The following PLD5 variants were observed in gnomAD, a reference collection of about 807,000 sequenced individuals.
The protein encoded by PLD5 is inactive phospholipase D5.
A neutral mutation model predicts 61.1 loss-of-function variants in PLD5; 36 were observed. That is an observed-to-expected ratio of 0.59 (90% CI 0.45 to 0.78). The LOEUF (loss-of-function observed/expected upper bound fraction) is 0.78. Ranked by LOEUF, PLD5 falls within the 30% of genes least tolerant of loss-of-function variation. The pLI, the probability that PLD5 is intolerant of heterozygous loss-of-function variation, is 0.00. For synonymous variants in PLD5, 243 were observed against 242.8 expected (o/e 1.00, Z -0.01); for missense variants, 515 against 644.4 (o/e 0.80, Z 2.17).
rs1004776883 is a variant in PLD5 at position 242,318,633 on chromosome 1, AACT to A, written c.326+29470_326+29472del. Among the ~76,000 whole-genome samples the A allele has an allele frequency of 4.1e-5, 6 of 147,556 alleles. No homozygotes were observed. The East Asian group carries it at 1.3e-3, about 33-fold the overall frequency. On this transcript the variant is annotated intron_variant, in intron 2 of 9. Transcript: ENST00000536534. ...TGCTGGTCAAGAAAAAGGATTTTAT[AACT>A]TTTTGGGGCTTTTGATTTTTTAATT...
intron 3 of PLD5, among the ~76,000 whole-genome samples, chr1:242,285,193 TC>T (rs1674949924): frequency 6.6e-6 from 1 of 152,230 alleles, no homozygotes; most frequent in Non-Finnish European, 1.5e-5. Context: ...AGTGTTATCA[TC>T]TTTCTACATC....
At chr1:242,410,200 T>A (rs576557281) in intron 1 of PLD5, among the ~76,000 whole-genome samples, 1 of 152,250 alleles carries the variant, frequency 6.6e-6, no homozygotes, top group Admixed American at 6.5e-5. Context: ...CTGCGGTCAA[T>A]TTAAGGATCC....
chr1:242,383,694 C>G (rs988225875), intron 1 of PLD5, among the ~76,000 whole-genome samples: 5 of 152,104 alleles, frequency 3.3e-5, no homozygotes, highest in Non-Finnish European at 7.4e-5. Context: ...AGGGCAAAAT[C>G]TCACCAAGAC....
In PLD5 at chr1:242,112,671, T is replaced by C. The variant is rs567524490; in HGVS notation, c.1070+1219A>G. On this transcript the variant is annotated intron_variant, in intron 7 of 9. Coordinates refer to ENST00000536534, the MANE Select transcript of PLD5 (RefSeq NM_001372062.1). ...TAAAGAAGCTACCTACTATGCATTA[T>C]GTAGGGTTGGTGATGTAAGAATTAT... Among the ~76,000 whole-genome samples, 8 of 152,190 alleles carry C rather than the reference T, an allele frequency of 5.3e-5. 1 individual carries two copies. The South Asian group carries it at 1.4e-3, about 28-fold the overall frequency.
chr1:242,163,525 A>G (rs1165120891), intron 5 of PLD5, among the ~76,000 whole-genome samples: 2 of 152,198 alleles, frequency 1.3e-5, no homozygotes, highest in South Asian at 2.1e-4. Flanking sequence ...TTCAAAGAAC[A>G]AGAGAGGGAC....
intron 2 of PLD5, among the ~76,000 whole-genome samples, chr1:242,330,835 T>C (rs1420572413): frequency 6.6e-6 from 1 of 152,132 alleles, no homozygotes; most frequent in African/African-American, 2.4e-5. Context: ...GAAAAAGGGA[T>C]TTTGGAGGTC....
chr1:242,225,528 CTT>C (rs1292924746), intron 4 of PLD5, among the ~76,000 whole-genome samples: 2 of 151,184 alleles, frequency 1.3e-5, no homozygotes, highest in African/African-American at 2.4e-5. Context: ...AGTGGTTTCT[CTT>C]TGCTGTTGAG....
At chr1:242,184,822 C>T (rs890583420) in intron 5 of PLD5, among the ~76,000 whole-genome samples, 1 of 152,148 alleles carries the variant, frequency 6.6e-6, no homozygotes, top group African/African-American at 2.4e-5. Context: ...GAGCAGTAAG[C>T]AGTTGAAGTA....
chr1:242,176,969 T>A (rs1667188522), intron 5 of PLD5, among the ~76,000 whole-genome samples: 1 of 152,214 alleles, frequency 6.6e-6, no homozygotes, highest in Non-Finnish European at 1.5e-5. Flanking sequence ...GCTTGCACAC[T>A]GTTGGTGGGA....
At chr1:242,342,273 G>A (rs1186200607) in intron 2 of PLD5, among the ~76,000 whole-genome samples, 3 of 152,144 alleles carry the variant, frequency 2.0e-5, no homozygotes, top group African/African-American at 2.4e-5. Context: ...AATGACTGAC[G>A]TAGGATAGCT....
At chr1:242,193,225 G>T (rs1382384051) in intron 5 of PLD5, among the ~76,000 whole-genome samples, 1 of 151,928 alleles carries the variant, frequency 6.6e-6, no homozygotes, top group Non-Finnish European at 1.5e-5. Flanking sequence ...GCTCTCCAAT[G>T]TCTGGCATGC....
rs146766986 is a variant in PLD5 at position 242,212,057 on chromosome 1, T to C, written c.735+7931A>G. ...GGTCCCAGTATCATCTTTAATGCTA[T>C]GGGCCTTAGTTAGGGCAGCCCTGGC... is the stretch of plus-strand genomic sequence containing the variant. On this transcript the variant is annotated intron_variant, in intron 5 of 9. Coordinates refer to ENST00000536534, the MANE Select transcript of PLD5 (RefSeq NM_001372062.1). 8.7e-4 allele frequency among the ~76,000 whole-genome samples: 133 copies of C among 152,316 alleles called. 3 individuals are homozygous for C. Among genetic ancestry groups the C allele is most frequent in the African/African-American group, 3.1e-3 (130 of 41,560 alleles).
chr1:242,503,055 G>C (rs1026365393), intron 1 of PLD5, among the ~76,000 whole-genome samples: 1 of 151,982 alleles, frequency 6.6e-6, no homozygotes, highest in African/African-American at 2.4e-5. Flanking sequence ...GCAAGACTCC[G>C]TCTCAAAAAC....
chr1:242,417,109 C>T (rs910051570), intron 1 of PLD5, among the ~76,000 whole-genome samples: 4 of 152,006 alleles, frequency 2.6e-5, no homozygotes, highest in African/African-American at 4.8e-5. Flanking sequence ...AAGAGGTAGC[C>T]CATGTGTAAA....
chr1:242,090,035 C>G lies in PLD5; in HGVS notation c.1430G>C (p.Arg477Thr), dbSNP rs1394210709. The G allele has an allele frequency of 6.2e-7, 1 of 1,614,078 alleles. No homozygotes were observed. Among genetic ancestry groups the G allele is most frequent in the Non-Finnish European group, 8.5e-7 (1 of 1,180,044 alleles). Residue 477 changes from arginine to threonine, a missense_variant, in exon 10 of 10, where the codon AGG becomes ACG. Physicochemically the swap from Arg to Thr is moderately conservative, Grantham distance 71. This residue lies in a region of PLD5 where 450 missense variants were observed against 598.1 expected (regional missense o/e 0.75). Coordinates refer to ENST00000536534, the MANE Select transcript of PLD5 (RefSeq NM_001372062.1). ...TTGCTTAATGATGCTTCTGTTGTTC[C>G]TCACATCTGCCTGGTTGATAACAAG... ...TGLVINQADV[R>T]NNRSIIKQLK...
intron 2 of PLD5, among the ~76,000 whole-genome samples, chr1:242,323,707 C>A (rs189204729): frequency 6.6e-6 from 1 of 152,150 alleles, no homozygotes; most frequent in Non-Finnish European, 1.5e-5. Context: ...TCTTACTCAG[C>A]AGGAAAGCAC....
intron 1 of PLD5, among the ~76,000 whole-genome samples, chr1:242,509,791 C>A (rs1474066392): frequency 6.6e-6 from 1 of 152,110 alleles, no homozygotes; most frequent in Non-Finnish European, 1.5e-5. Context: ...CTTGGTGTGA[C>A]CAGGAAGTCA....
chr1:242,151,534 G>T (rs146296885), intron 5 of PLD5, among the ~76,000 whole-genome samples: 22 of 151,930 alleles, frequency 1.4e-4, no homozygotes, highest in African/African-American at 5.3e-4. Context: ...TCTAACTCTT[G>T]TCAATATTCC....
chr1:242,207,204 C>T (rs536738342), intron 5 of PLD5, among the ~76,000 whole-genome samples: 9 of 152,132 alleles, frequency 5.9e-5, no homozygotes, highest in East Asian at 3.9e-4. Context: ...AACTGGGCAC[C>T]GGAGCCCAGC....
Sources: gnomAD v4.1 joint callset for allele counts (sites outside exome capture counted in the v4.1 genomes callset) on GRCh38, gnomAD v4.1.1 for gene constraint, gnomAD v4.1.1 regional missense constraint, MANE v1.5 for transcripts, NCBI Gene and HGNC (gene_info 2026-07-23, HGNC 2026-07-21) for gene names.